N4BP2: variants seen among roughly 807,000 people sequenced by gnomAD.
N4BP2 encodes NEDD4-binding protein 2.
Under a neutral mutation model 152.8 loss-of-function variants are expected in N4BP2, and 91 were observed. That is an observed-to-expected ratio of 0.60 (90% CI 0.50 to 0.71). N4BP2 has a LOEUF of 0.71. Ranked by LOEUF, N4BP2 falls within the 30% of genes least tolerant of loss-of-function variation. The pLI is 0.00. For synonymous variants in N4BP2, 646 were observed against 705.3 expected, an observed-to-expected ratio of 0.92 and a Z score of 1.33; for missense variants, 1,923 against 2,059.1, an observed-to-expected ratio of 0.93 and a Z score of 1.28.
At chr4:40,065,170 G>A (rs986892682) in intron 1 of N4BP2, among the ~76,000 whole-genome samples, 6 of 152,174 alleles carry the variant, frequency 3.9e-5, no homozygotes, top group Admixed American at 6.5e-5. Flanking sequence ...GGATTAGAGT[G>A]GAAGAAGAGG....
At chr4:40,106,708 C>T (rs977508412) in intron 4 of N4BP2, among the ~76,000 whole-genome samples, 192 bp from the exon 5 acceptor site, 4 of 152,084 alleles carry the variant, frequency 2.6e-5, no homozygotes, top group African/African-American at 9.7e-5. Flanking sequence ...GCCACCGTAC[C>T]TGGCTAATTT....
chr4:40,065,991 C>T (rs550203722), intron 1 of N4BP2, among the ~76,000 whole-genome samples: 17 of 151,594 alleles, frequency 1.1e-4, no homozygotes, highest in Non-Finnish European at 1.0e-4. Context: ...AGTGCAGTGG[C>T]GTGATCTCGG....
chr4:40,121,013 A>C lies in N4BP2; in HGVS notation c.2902A>C (p.Ser968Arg), dbSNP rs772763086. 6.2e-7 allele frequency: 1 copy of C among 1,614,034 alleles called. No individual in the cohort carries two copies. Among genetic ancestry groups the C allele is most frequent in the African/African-American group, 1.3e-5 (1 of 74,936 alleles). ...GAGTCAGACTTGTCTAAGTAAAAAG[A>C]GTCATGGGCAACACACATCGTTGCC... is the stretch of plus-strand genomic sequence containing the variant. Reference protein sequence around the residue: ...CESQTCLSKKSHGQHTSLPLT... With the variant: ...CESQTCLSKKRHGQHTSLPLT... The change falls in exon 9 of 18, where the codon AGT becomes CGT. Residue 968 changes from serine to arginine, a missense_variant. Ser to Arg is a moderately radical substitution (Grantham distance 110). Transcript: ENST00000261435.
At chr4:40,107,045 T>C (rs745667862) in intron 5 of N4BP2, 21 bp downstream of exon 5, 1 of 1,608,682 alleles carries the variant, frequency 6.2e-7, no homozygotes, top group Admixed American at 1.7e-5. Flanking sequence ...ATAATCAGAT[T>C]CTGGGTAACG....
the N4BP2 span, chr4:40,166,543 G>C: frequency 1.3e-5 from 2 of 152,028 alleles, no homozygotes. Context: ...TACAAAATTA[G>C]CTTGGCGTAG....
intron 5 of N4BP2, among the ~76,000 whole-genome samples, chr4:40,108,861 G>C (rs1716585482): frequency 6.6e-6 from 1 of 151,020 alleles, no homozygotes; most frequent in Non-Finnish European, 1.5e-5. Context: ...TCTGTTGCCA[G>C]GCTGGAGTGC....
At chr4:40,107,087 G>T in intron 5 of N4BP2, 63 bp downstream of exon 5, 2 of 1,545,718 alleles carry the variant, frequency 1.3e-6, no homozygotes, top group Non-Finnish European at 1.8e-6. Flanking sequence ...AATTCACTTA[G>T]TATTTGTTTG....
In N4BP2 at chr4:40,107,009, T is replaced by A. The variant is rs1246196944; in HGVS notation, c.1483T>A (p.Trp495Arg). The A allele has an allele frequency of 6.2e-7, 1 of 1,613,508 alleles. No homozygotes were observed. The highest frequency in any genetic ancestry group is 1.1e-5 in the South Asian group (1 of 90,892). ...AAAGTACTTAGGAGAAGCACATGAA[T>A]GGAACCAGAATCGTGGTAAGAACAG... ...DVKYLGEAHE[W>R]NQNRAKEAFE... Residue 495 changes from tryptophan (W) to arginine (R), a missense_variant, in exon 5 of 18, where the codon TGG (tryptophan) becomes AGG (arginine). Trp to Arg is a moderately radical substitution (Grantham distance 101). Transcript: ENST00000261435.
intron 2 of N4BP2, among the ~76,000 whole-genome samples, chr4:40,076,764 A>G (rs1256224993): frequency 6.6e-6 from 1 of 152,210 alleles, no homozygotes; most frequent in Admixed American, 6.5e-5. Flanking sequence ...CTGGGATTAC[A>G]GGTGTGAGCC....
intron 1 of N4BP2, among the ~76,000 whole-genome samples, chr4:40,066,841 T>G (rs1711570539): frequency 6.6e-6 from 1 of 152,110 alleles, no homozygotes; most frequent in Admixed American, 6.6e-5. Context: ...AAACTGAAAC[T>G]CTGTACCCAG....
At chr4:40,153,596 A>T (rs1721327614) in intron 17 of N4BP2, among the ~76,000 whole-genome samples, 1 of 152,172 alleles carries the variant, frequency 6.6e-6, no homozygotes, top group African/African-American at 2.4e-5. Flanking sequence ...ATTAACTCCT[A>T]CCCACCAATT....
At chr4:40,075,029 T>C (rs1420022126) in intron 2 of N4BP2, among the ~76,000 whole-genome samples, 1 of 151,358 alleles carries the variant, frequency 6.6e-6, no homozygotes, top group Non-Finnish European at 1.5e-5. Flanking sequence ...AGTAAATAAA[T>C]AAAAAATAGG....
intron 2 of N4BP2, among the ~76,000 whole-genome samples, chr4:40,082,496 CA>C (rs887601215): frequency 6.6e-6 from 1 of 151,986 alleles, no homozygotes; most frequent in African/African-American, 2.4e-5. Context: ...TAAAGATGGT[CA>C]ACAACATTTG....
chr4:40,185,028 TTA>T, the N4BP2 span, among the ~76,000 whole-genome samples: 1 of 152,140 alleles, frequency 6.6e-6, no homozygotes, highest in Non-Finnish European at 1.5e-5. Flanking sequence ...TAGTTTAATT[TTA>T]TAGCTTACTC....
chr4:40,164,078 A>G, the N4BP2 span, among the ~76,000 whole-genome samples: 1 of 152,182 alleles, frequency 6.6e-6, no homozygotes, highest in Non-Finnish European at 1.5e-5. Context: ...GGAAGGGTTC[A>G]GTGTGGGAAG....
chr4:40,136,961 C>G lies in N4BP2; in HGVS notation c.4664C>G (p.Thr1555Arg), dbSNP rs1466702074. ...TTCTACAGCTATTCATTAGAACACA[C>G]AGTGCAATTTCTTAACTGTGTTCTT... ...FKDHNYSLEH[T>R]VQFLNCVLEG... Residue 1555 changes from threonine to arginine, a missense_variant, in exon 14 of 18, where the codon ACA becomes AGA. Transcript: ENST00000261435. The G allele has an allele frequency of 6.2e-7, 1 of 1,611,100 alleles. No individual in the cohort carries two copies. The highest frequency in any genetic ancestry group is 8.5e-7 in the Non-Finnish European group (1 of 1,178,386).
At position 40,097,548 on chromosome 4, in the gene N4BP2, C is replaced by G; in HGVS notation, c.208C>G (p.Leu70Val). 1 of 1,611,452 alleles carries G rather than the reference C, an allele frequency of 6.2e-7. No homozygotes were observed. The highest frequency in any genetic ancestry group is 8.5e-7 in the Non-Finnish European group (1 of 1,177,736). ...DLDPDVVYLM[L>V]SECDFKVENA... Reference sequence around the variant, plus strand: ...GGATCCTGATGTAGTGTATTTGATGCTTTCTGAATGTGATTTCAAAGGTGA... The same window carrying G: ...GGATCCTGATGTAGTGTATTTGATGGTTTCTGAATGTGATTTCAAAGGTGA... The change falls in exon 3 of 18, where the codon CTT (leucine) becomes GTT (valine). Residue 70 changes from leucine to valine, a missense_variant. Coordinates refer to ENST00000261435, the MANE Select transcript of N4BP2 (RefSeq NM_018177.6).
chr4:40,083,532 A>G (rs944719561), intron 2 of N4BP2, among the ~76,000 whole-genome samples: 2 of 152,322 alleles, frequency 1.3e-5, no homozygotes, highest in Admixed American at 1.3e-4. Flanking sequence ...AGGCTACAAC[A>G]TGGATGAACC....
At chr4:40,172,306 A>T in the N4BP2 span, among the ~76,000 whole-genome samples, 1 of 152,150 alleles carries the variant, frequency 6.6e-6, no homozygotes, top group Admixed American at 6.5e-5. Flanking sequence ...ACCCAGATTG[A>T]GGGTGAGTCT....
Sources: gnomAD v4.1 joint callset for allele counts (sites outside exome capture counted in the v4.1 genomes callset) on GRCh38, gnomAD v4.1.1 for gene constraint, MANE v1.5 for transcripts, NCBI Gene and HGNC (gene_info 2026-07-23, HGNC 2026-07-21) for gene names.